Variants in FMN1 observed in about 807,000 individuals in gnomAD.
The protein encoded by FMN1 is formin 1.
In FMN1, 110 loss-of-function variants were observed where a neutral mutation model predicts 132.4. The observed-to-expected ratio is 0.83, with a 90% CI of 0.71 to 0.97. The LOEUF (loss-of-function observed/expected upper bound fraction) is 0.97, where lower values mean the gene tolerates loss of function less well. Among genes scored for constraint, FMN1 ranks in the 50% least tolerant of loss-of-function variants. The pLI is 0.00. For missense variants in FMN1, 1,792 were observed against 1,705.3 expected (o/e 1.05, Z -0.90); for synonymous variants, 722 against 651.7 (o/e 1.11, Z -1.64).
chr15:32,898,241 TTTC>T (rs1178368021), intron 15 of FMN1, among the ~76,000 whole-genome samples: 1 of 152,254 alleles, frequency 6.6e-6, no homozygotes, highest in Non-Finnish European at 1.5e-5. Flanking sequence ...GATTGCTATA[TTTC>T]TTAACATCTT....
In FMN1 at chr15:32,872,936, G is replaced by GA. The variant is rs1439597069; in HGVS notation, c.3835+15235_3835+15236insT. Among the ~76,000 whole-genome samples, 6 of 131,320 alleles carry GA rather than the reference G, an allele frequency of 4.6e-5. No homozygotes were observed. The East Asian group carries it at 8.5e-4, about 19-fold the overall frequency. The allele number at this position is 131,320 out of a possible 152,430, so 86.2% of individuals were successfully genotyped here. A position where few individuals can be genotyped will look rare whatever the true frequency, so the allele number is the denominator to read the frequency against. ...GACAGAAAGGCATAAAGAGAAGAGAGGGAAAAAAAAAAGGATGGAAAGTTA... is the reference window on the plus strand; with the variant it reads ...GACAGAAAGGCATAAAGAGAAGAGAGAGGAAAAAAAAAAGGATGGAAAGTTA... On this transcript the variant is annotated intron_variant, in intron 16 of 20. Coordinates refer to ENST00000616417, the MANE Select transcript of FMN1 (RefSeq NM_001277313.2).
At chr15:32,826,336 G>A (rs1444291616) in intron 17 of FMN1, among the ~76,000 whole-genome samples, 5 of 152,252 alleles carry the variant, frequency 3.3e-5, no homozygotes, top group Non-Finnish European at 7.3e-5. Flanking sequence ...AGCCTGAGAG[G>A]CTACAGGCCA....
chr15:33,099,687 G>C (rs1461153966), intron 4 of FMN1, among the ~76,000 whole-genome samples: 1 of 152,148 alleles, frequency 6.6e-6, no homozygotes, highest in Non-Finnish European at 1.5e-5. Context: ...TGATATATTT[G>C]GTAGGGATAC....
chr15:33,091,000 G>A (rs1010695108), intron 4 of FMN1, among the ~76,000 whole-genome samples: 3 of 152,088 alleles, frequency 2.0e-5, no homozygotes, highest in Non-Finnish European at 4.4e-5. Flanking sequence ...CATCTTCCAA[G>A]ATGTTTTGGT....
chr15:32,871,001 TTG>T (rs912619821), intron 16 of FMN1, among the ~76,000 whole-genome samples: 4 of 152,144 alleles, frequency 2.6e-5, no homozygotes, highest in South Asian at 4.1e-4. Context: ...GGTAGGAAAG[TTG>T]TGTTAACATG....
intron 18 of FMN1, among the ~76,000 whole-genome samples, chr15:32,800,671 CAG>C (rs1456463308): frequency 2.0e-5 from 3 of 152,196 alleles, no homozygotes; most frequent in Non-Finnish European, 4.4e-5. Flanking sequence ...GGTGACAAAA[CAG>C]AGACCTGGAA....
chr15:32,770,426 ATCC>A lies in FMN1; in HGVS notation c.*3881_*3883del, dbSNP rs2056194401. Reference sequence around the variant, plus strand: ...GCAAACATCATAGAGAAAATGTGCAATCCCAGGCCAATAAGCAAATCTTTGCCC... The same window carrying A: ...GCAAACATCATAGAGAAAATGTGCAACAGGCCAATAAGCAAATCTTTGCCC... On this transcript the variant is annotated 3_prime_UTR_variant, in exon 21 of 21. Coordinates refer to ENST00000616417, the MANE Select transcript of FMN1 (RefSeq NM_001277313.2). 1 of 152,290 alleles carries A rather than the reference ATCC, an allele frequency of 6.6e-6. No individual in the cohort carries two copies. The highest frequency in any genetic ancestry group is 1.9e-4 in the East Asian group (1 of 5,194). 9.4% of individuals were successfully genotyped at this position (152,290 alleles called of 1,614,324 possible).
At chr15:33,067,588 G>C (rs560481972) in intron 5 of FMN1, 2 of 1,613,910 alleles carry the variant, frequency 1.2e-6, no homozygotes, top group African/African-American at 2.7e-5. Context: ...CTGTCTCCAC[G>C]CTTGCAATTT....
At chr15:32,935,931 C>T (rs1006847405) in intron 9 of FMN1, among the ~76,000 whole-genome samples, 7 of 150,952 alleles carry the variant, frequency 4.6e-5, no homozygotes, top group African/African-American at 1.5e-4. Flanking sequence ...CTAGCCTCCT[C>T]TTCGTTTTTT....
intron 3 of FMN1, among the ~76,000 whole-genome samples, chr15:33,169,221 T>G (rs1454305309): frequency 3.3e-5 from 5 of 152,288 alleles, no homozygotes; most frequent in African/African-American, 9.6e-5. Context: ...AAGGGGAATA[T>G]AAATATACAT....
At chr15:32,972,080 G>GAT (rs2031840581) in intron 7 of FMN1, among the ~76,000 whole-genome samples, 1 of 152,156 alleles carries the variant, frequency 6.6e-6, no homozygotes, top group Admixed American at 6.5e-5. Flanking sequence ...TGACAGAGCG[G>GAT]ATATGCCAGG....
At chr15:32,784,907 C>T (rs1007307014) in intron 19 of FMN1, among the ~76,000 whole-genome samples, 2 of 152,072 alleles carry the variant, frequency 1.3e-5, no homozygotes, top group Non-Finnish European at 2.9e-5. Flanking sequence ...TGTCTATTTG[C>T]CTCCTTTGCT....
intron 4 of FMN1, among the ~76,000 whole-genome samples, chr15:33,146,941 G>C (rs1294037226): frequency 6.6e-6 from 1 of 152,046 alleles, no homozygotes; most frequent in Non-Finnish European, 1.5e-5. Context: ...TTGGAAGGTC[G>C]AGGCGGGCAG....
intron 3 of FMN1, among the ~76,000 whole-genome samples, chr15:33,177,236 G>C (rs1196422314): frequency 6.6e-6 from 1 of 152,156 alleles, no homozygotes; most frequent in African/African-American, 2.4e-5. Context: ...ATTCCTTACA[G>C]GACTGATTGG....
intron 6 of FMN1, among the ~76,000 whole-genome samples, chr15:33,056,379 T>A (rs143882123): frequency 6.6e-6 from 1 of 152,194 alleles, no homozygotes; most frequent in African/African-American, 2.4e-5. Context: ...GAGACCCCAG[T>A]GCAGCCATGT....
chr15:32,982,745 G>A (rs184006727), intron 7 of FMN1, among the ~76,000 whole-genome samples: 197 of 152,104 alleles, frequency 1.3e-3, no homozygotes, highest in African/African-American at 4.5e-3. Context: ...AGTGGCCTTC[G>A]AACTGGGACA....
intron 17 of FMN1, among the ~76,000 whole-genome samples, chr15:32,831,140 T>G (rs996364670): frequency 2.6e-5 from 4 of 152,182 alleles, no homozygotes; most frequent in Admixed American, 1.3e-4. Flanking sequence ...CCTCAAGGGT[T>G]TTTTTATTCA....
chr15:32,890,237 G>C (rs1036479497), intron 15 of FMN1, among the ~76,000 whole-genome samples: 1 of 152,166 alleles, frequency 6.6e-6, no homozygotes, highest in Admixed American at 6.6e-5. Context: ...AAACATGCAC[G>C]TGCAAGTATC....
Position 32,871,979 on chromosome 15 carries a change from T to C in FMN1, c.3836-14872A>G, listed in dbSNP as rs77411178. Among the ~76,000 whole-genome samples the C allele has an allele frequency of 6.2e-3, 944 of 151,268 alleles. 3 individuals carry two copies. Among genetic ancestry groups the C allele is most frequent in the Non-Finnish European group, 9.7e-3 (660 of 67,942 alleles). On this transcript the variant is annotated intron_variant, in intron 16 of 20. Transcript: ENST00000616417. ...AACTGGTGATATATGAGAGTTGATATAGAAATTGGGGATTAATCACAGCAT... is the reference window on the plus strand; with the variant it reads ...AACTGGTGATATATGAGAGTTGATACAGAAATTGGGGATTAATCACAGCAT...
Sources: allele counts gnomAD v4.1 joint callset (sites outside exome capture counted in the v4.1 genomes callset), GRCh38; gene constraint gnomAD v4.1.1; transcripts MANE v1.5; gene names NCBI Gene and HGNC (gene_info 2026-07-23, HGNC 2026-07-21).